Variants in FNDC1 observed in about 807,000 individuals in gnomAD.
FNDC1 encodes fibronectin type III domain containing 1.
FNDC1 carries 96 observed loss-of-function variants against 168.0 expected under a neutral mutation model. The ratio of observed to expected loss-of-function variants is 0.57; its 90% CI spans 0.48 to 0.68. The LOEUF (loss-of-function observed/expected upper bound fraction) is 0.68, where lower values mean the gene tolerates loss of function less well. FNDC1 is among the 30% of genes least tolerant of loss of function. FNDC1 has a pLI of 0.00. For missense variants in FNDC1, 2,587 were observed against 2,482.1 expected, an observed-to-expected ratio of 1.04 and a Z score of -0.90; for synonymous variants, 1,099 against 1,025.9, an observed-to-expected ratio of 1.07 and a Z score of -1.36.
chr6:159,172,173 G>A (rs992845529), intron 1 of FNDC1, among the ~76,000 whole-genome samples: 2 of 152,182 alleles, frequency 1.3e-5, no homozygotes, highest in Admixed American at 6.5e-5. Context: ...TAAATGGGAA[G>A]GACACATAAG....
At chr6:159,227,189 G>GA (rs1562645056) in intron 9 of FNDC1, among the ~76,000 whole-genome samples, 1 of 152,124 alleles carries the variant, frequency 6.6e-6, no homozygotes, top group Admixed American at 6.5e-5. Context: ...AAATAAACAT[G>GA]AAAATCTTTT....
chr6:159,200,198 G>T lies in FNDC1; in HGVS notation c.391+116G>T. ...GAGTTATTAAATAATTTTTGAACAA[G>T]AACTTTTTAGACTTGTATAGCAAGC... is the stretch of plus-strand genomic sequence containing the variant. On this transcript the variant is annotated intron_variant, in intron 3 of 22. Coordinates refer to ENST00000297267, the MANE Select transcript of FNDC1 (RefSeq NM_032532.3). The T allele has an allele frequency of 4.9e-6, 4 of 812,326 alleles. No homozygotes were observed. In the South Asian group the frequency reaches 5.1e-5, roughly 10 times the overall value. The allele number at this position is 812,326 out of a possible 1,614,324, so 50.3% of individuals were successfully genotyped here.
intron 19 of FNDC1, among the ~76,000 whole-genome samples, chr6:159,263,502 C>A (rs1777531828): frequency 6.6e-6 from 1 of 152,192 alleles, no homozygotes; most frequent in Non-Finnish European, 1.5e-5. Flanking sequence ...GTGGCTCACT[C>A]CTGTAATCCC....
chr6:159,225,514 T>C (rs373377357), intron 7 of FNDC1, 21 bp from the exon 8 acceptor site: 18 of 1,582,362 alleles, frequency 1.1e-5, no homozygotes, highest in Non-Finnish European at 1.4e-5. Context: ...GGACAGATCA[T>C]TGTGTTGTGT....
intron 15 of FNDC1, 57 bp from the exon 16 acceptor site, chr6:159,248,982 A>T: frequency 6.5e-7 from 1 of 1,527,224 alleles, no homozygotes; most frequent in Middle Eastern, 1.7e-4. Flanking sequence ...TCATTTGACT[A>T]TAGACAGTGC....
At chr6:159,264,176 T>C (rs771896207) in intron 19 of FNDC1, among the ~76,000 whole-genome samples, 6 of 152,230 alleles carry the variant, frequency 3.9e-5, no homozygotes, top group Admixed American at 1.3e-4. Flanking sequence ...ACTGTCAAGA[T>C]AGTGAGCATA....
intron 1 of FNDC1, among the ~76,000 whole-genome samples, chr6:159,195,221 A>G (rs891868963): frequency 3.3e-5 from 5 of 152,166 alleles, no homozygotes; most frequent in Non-Finnish European, 7.3e-5. Context: ...AATTGTCACC[A>G]TTAGAAAGTC....
intron 1 of FNDC1, among the ~76,000 whole-genome samples, chr6:159,185,047 C>T (rs895054182): frequency 1.1e-5 from 1 of 91,082 alleles, no homozygotes; most frequent in Non-Finnish European, 2.0e-5. Context: ...TTCTGGAAAG[C>T]TGGTGGTTTA....
At chr6:159,205,293 A>G (rs1782463666) in intron 4 of FNDC1, among the ~76,000 whole-genome samples, 1 of 152,224 alleles carries the variant, frequency 6.6e-6, no homozygotes, top group Admixed American at 6.5e-5. Context: ...TTGATGGGAC[A>G]TGTATACCCC....
intron 5 of FNDC1, among the ~76,000 whole-genome samples, chr6:159,220,172 C>T (rs950695545): frequency 1.3e-5 from 2 of 152,346 alleles, no homozygotes; most frequent in East Asian, 1.9e-4. Flanking sequence ...CCTTTGAAAC[C>T]TCTGATTCTT....
chr6:159,172,229 C>A (rs946323399), intron 1 of FNDC1, among the ~76,000 whole-genome samples: 3 of 152,186 alleles, frequency 2.0e-5, no homozygotes, highest in African/African-American at 7.2e-5. Flanking sequence ...CAGGGGGAAG[C>A]ACTGGTGTGA....
intron 1 of FNDC1, 31 bp from the exon 2 acceptor site, chr6:159,197,400 C>A: frequency 6.4e-7 from 1 of 1,566,150 alleles, no homozygotes; most frequent in Non-Finnish European, 8.6e-7. Flanking sequence ...TCTGTTATTG[C>A]CATGAGTTGA....
At chr6:159,173,694 A>G (rs1390685140) in intron 1 of FNDC1, among the ~76,000 whole-genome samples, 1 of 152,254 alleles carries the variant, frequency 6.6e-6, no homozygotes, top group East Asian at 1.9e-4. Context: ...GCTATAACAA[A>G]TTGCCACACA....
At chr6:159,224,201 A>G (rs1279509503) in intron 7 of FNDC1, among the ~76,000 whole-genome samples, 1 of 152,248 alleles carries the variant, frequency 6.6e-6, no homozygotes, top group Non-Finnish European at 1.5e-5. Context: ...CCATGATGTT[A>G]TGCTATTCTG....
At position 159,232,998 on chromosome 6, in the gene FNDC1, G is replaced by A. The variant is rs73023729; in HGVS notation, c.2486G>A (p.Gly829Glu). The change falls in exon 11 of 23, where the codon GGG becomes GAG. Residue 829 changes from glycine (G) to glutamate (E), a missense_variant. Transcript: ENST00000297267. This position sits in a 1 kb window ranked among gnomAD's most constrained non-coding sequence, Gnocchi z 4.9. Reference sequence around the variant, plus strand: ...AGACACAAACCCTTTGCTGCCAACGGGAGGTCTCCAAGCAGGTTCAGCATT... The same window carrying A: ...AGACACAAACCCTTTGCTGCCAACGAGAGGTCTCCAAGCAGGTTCAGCATT... ...LLRHKPFAANGRSPSRFSIGR... is the reference protein window; with the variant it reads ...LLRHKPFAANERSPSRFSIGR... 23,254 of 1,612,448 alleles carry A rather than the reference G, an allele frequency of 0.014. 244 individuals carry two copies. Among genetic ancestry groups the A allele is most frequent in the Non-Finnish European group, 0.016 (18,377 of 1,179,616 alleles).
rs189951581 is a variant in FNDC1, at chr6:159,249,056, T to A, written c.4708T>A (p.Ser1570Thr). ...CATTTCAGATTATGAATTTGAGACG[T>A]CAAGGCCACCAACCACCACTGAGCC... is the stretch of plus-strand genomic sequence containing the variant. Reference protein sequence around the residue: ...IYDEDYEFETSRPPTTTEPST... With the variant: ...IYDEDYEFETTRPPTTTEPST... Residue 1570 changes from serine (S) to threonine (T), a missense_variant, in exon 16 of 23, where the codon TCA becomes ACA. Transcript: ENST00000297267. 1.8e-4 allele frequency: 284 copies of A among 1,600,662 alleles called. 2 individuals carry two copies. The Middle Eastern group carries it at 2.5e-3, about 14-fold the overall frequency.
At chr6:159,197,659 A>G in intron 2 of FNDC1, 34 bp downstream of exon 2, 1 of 1,562,122 alleles carries the variant, frequency 6.4e-7, no homozygotes, top group South Asian at 1.2e-5. Context: ...CCCAGTCAGA[A>G]TTAACTGTGC....
rs1030896095 is a variant in FNDC1 at position 159,232,203 on chromosome 6, G to C, written c.1691G>C (p.Arg564Pro). Residue 564 changes from arginine to proline, a missense_variant, in exon 11 of 23, where the codon CGG (arginine) becomes CCG (proline). Arg to Pro is a moderately radical substitution (Grantham distance 103). Transcript: ENST00000297267. This position sits in a 1 kb window ranked among gnomAD's most constrained non-coding sequence, Gnocchi z 4.9. ...MSPSDTQDQK[R>P]TLRPPSRHGH... ...CCCTCAGACACCCAAGACCAGAAAC[G>C]GACCCTGAGGCCGCCAAGTAGACAC... is the stretch of plus-strand genomic sequence containing the variant. 2 of 1,613,434 alleles carry C rather than the reference G, an allele frequency of 1.2e-6. No homozygotes were observed. Among genetic ancestry groups the C allele is most frequent in the Admixed American group, 1.7e-5 (1 of 59,972 alleles).
rs1301881952 is a variant in FNDC1 at position 159,225,839 on chromosome 6, C to T, written c.1072+117C>T. On this transcript the variant is annotated intron_variant, in intron 8 of 22. Coordinates refer to ENST00000297267, the MANE Select transcript of FNDC1 (RefSeq NM_032532.3). ...GGCCAGCGTGGGCATTTTTGAAAGT[C>T]ATGTTAATCCTAAATTTTGGTAGAG... 4 of 864,422 alleles carry T rather than the reference C, an allele frequency of 4.6e-6. No homozygotes were observed. In the African/African-American group the frequency reaches 5.1e-5, roughly 11 times the overall value. 53.5% of individuals were successfully genotyped at this position (864,422 alleles called of 1,614,324 possible). A position where few individuals can be genotyped will look rare whatever the true frequency, so the allele number is the denominator to read the frequency against.
Sources: gnomAD v4.1 joint callset for allele counts (sites outside exome capture counted in the v4.1 genomes callset) on GRCh38, gnomAD v4.1.1 for gene constraint, Gnocchi (gnomAD v3.1) non-coding constraint, MANE v1.5 for transcripts, NCBI Gene and HGNC (gene_info 2026-07-23, HGNC 2026-07-21) for gene names.